The following CFAP74 variants were observed in gnomAD, a reference collection of about 807,000 sequenced individuals.
CFAP74 encodes cilia and flagella associated protein 74.
A neutral mutation model predicts 188.9 loss-of-function variants in CFAP74; 124 were observed. The ratio of observed to expected loss-of-function variants is 0.66; its 90% CI spans 0.57 to 0.76. CFAP74 has a LOEUF of 0.76. CFAP74 is among the 30% of genes least tolerant of loss of function. The pLI, the probability that CFAP74 is intolerant of heterozygous loss-of-function variation, is 0.00. For synonymous variants in CFAP74, 956 were observed against 916.7 expected, an observed-to-expected ratio of 1.04 and a Z score of -0.77; for missense variants, 2,198 against 2,165.2, an observed-to-expected ratio of 1.02 and a Z score of -0.30.
At chr1:1,961,014 C>G (rs1655053172) in intron 14 of CFAP74, among the ~76,000 whole-genome samples, 1 of 152,164 alleles carries the variant, frequency 6.6e-6, no homozygotes, top group South Asian at 2.1e-4. Flanking sequence ...CAAAACAGAA[C>G]TTGGCATTTT....
chr1:1,940,282 G>A (rs779819432), intron 23 of CFAP74, 34 bp downstream of exon 23: 16 of 1,490,550 alleles, frequency 1.1e-5, no homozygotes, highest in Admixed American at 3.9e-5. Flanking sequence ...ACCCAGGAGC[G>A]CCCAGCATCC....
Position 1,925,676 on chromosome 1 carries a change from C to T in CFAP74, c.4104+107G>A, listed in dbSNP as rs780031596. ...GTAGAGGGGGCCACCTGTGTCCCCA[C>T]GGGCTCTCCGACCCACGGGTCACTT... On this transcript the variant is annotated intron_variant, in intron 33 of 38. Transcript: ENST00000682832. 9.6e-5 allele frequency: 122 copies of T among 1,274,418 alleles called. 1 individual carries two copies. The highest frequency in any genetic ancestry group is 3.8e-4 in the South Asian group (26 of 68,324). The allele number at this position is 1,274,418 out of a possible 1,614,324, so 78.9% of individuals were successfully genotyped here.
At chr1:1,971,651 C>A (rs1008731725) in intron 9 of CFAP74, among the ~76,000 whole-genome samples, 16 of 152,254 alleles carry the variant, frequency 1.1e-4, no homozygotes, top group African/African-American at 3.9e-4. Flanking sequence ...CAGCCTGAAT[C>A]CCCAGCCTTG....
intron 6 of CFAP74, among the ~76,000 whole-genome samples, chr1:1,979,306 C>T (rs1382052473): frequency 1.9e-5 from 2 of 103,916 alleles, no homozygotes; most frequent in Admixed American, 1.0e-4. Context: ...ACACGTGTGT[C>T]GTGCTGAGCT....
chr1:1,928,335 G>A (rs1223751888), intron 27 of CFAP74, among the ~76,000 whole-genome samples: 3 of 152,114 alleles, frequency 2.0e-5, no homozygotes, highest in Non-Finnish European at 2.9e-5. Context: ...AAGCCAGGCC[G>A]GGAAGGGCAA....
chr1:2,001,405 C>T (rs1658200773), intron 1 of CFAP74, among the ~76,000 whole-genome samples: 1 of 151,930 alleles, frequency 6.6e-6, no homozygotes, highest in African/African-American at 2.4e-5. Flanking sequence ...GGTCGGCTCA[C>T]TGCAAACTCC....
intron 2 of CFAP74, 67 bp downstream of exon 2, chr1:1,990,823 C>A: frequency 7.9e-7 from 1 of 1,272,188 alleles, no homozygotes; most frequent in South Asian, 1.3e-5. Context: ...TAAAGGGCTA[C>A]TATGAAGCAT....
chr1:1,955,282 G>T, intron 18 of CFAP74: 1 of 1,295,204 alleles, frequency 7.7e-7, no homozygotes, highest in Non-Finnish European at 1.0e-6. Flanking sequence ...GGCATGGGGA[G>T]GGCAGGGCCC....
chr1:1,989,009 AGCAGATC>A, intron 2 of CFAP74, 36 bp from the exon 3 acceptor site: 13 of 1,032,706 alleles, frequency 1.3e-5, no homozygotes, highest in Non-Finnish European at 1.7e-5. Context: ...AAAAAAAAAA[AGCAGATC>A]AAACATTTGC....
intron 6 of CFAP74, among the ~76,000 whole-genome samples, chr1:1,981,073 A>C (rs1354855738): frequency 2.0e-5 from 3 of 152,206 alleles, no homozygotes; most frequent in Non-Finnish European, 2.9e-5. Context: ...CCGACGCTGG[A>C]AGCGGGGACC....
rs956085415 is a variant in CFAP74 at position 1,968,382 on chromosome 1, C to G, written c.1245+253G>C. ...GGTGACGCAGGGTCTGGTGGGCACA[C>G]CGAGACCAGGAGGACACTGGACCCT... On this transcript the variant is annotated intron_variant, in intron 11 of 38. Transcript: ENST00000682832. This position sits in a 1 kb window ranked among gnomAD's most constrained non-coding sequence, Gnocchi z 4.3. 6.6e-6 allele frequency among the ~76,000 whole-genome samples: 1 copy of G among 152,094 alleles called. No individual in the cohort carries two copies. The highest frequency in any genetic ancestry group is 1.5e-5 in the Non-Finnish European group (1 of 67,992).
At chr1:1,938,195 AGTC>A (rs1353623006) in intron 25 of CFAP74, among the ~76,000 whole-genome samples, 7 of 148,586 alleles carry the variant, frequency 4.7e-5, no homozygotes, top group African/African-American at 1.8e-4. Context: ...ACTCACATTC[AGTC>A]ACATGCTCAC....
At chr1:1,930,890 T>A (rs28632164) in intron 25 of CFAP74, among the ~76,000 whole-genome samples, 1,970 of 152,306 alleles carry the variant, frequency 0.013, 41 homozygotes, top group African/African-American at 0.043. Flanking sequence ...CCTGCCACCA[T>A]CTATTAAAAA....
At chr1:1,962,345 AGG>A (rs1655147465) in intron 14 of CFAP74, among the ~76,000 whole-genome samples, 1 of 151,962 alleles carries the variant, frequency 6.6e-6, no homozygotes, top group Non-Finnish European at 1.5e-5. Flanking sequence ...ACGTGGTGGC[AGG>A]CGCCTGTTAT....
rs771972359 is a variant in CFAP74, at chr1:1,955,741, C to T, written c.2126G>A (p.Arg709Gln). 16 of 1,614,198 alleles carry T rather than the reference C, an allele frequency of 9.9e-6. No individual in the cohort carries two copies. Among genetic ancestry groups the T allele is most frequent in the South Asian group, 3.3e-5 (3 of 91,088 alleles). Residue 709 changes from arginine to glutamine, a missense_variant, in exon 18 of 39, where the codon CGG becomes CAG. By Grantham distance (43) the Arg-to-Gln change is conservative. Transcript: ENST00000682832. ...TESSQADMQS[R>Q]KELEKLDKEQ... ...CTTGTCCAGCTTCTCCAGCTCCTTC[C>T]GGCTCTGCATGTCCGCCTGGGAGGA...
chr1:1,948,078 G>A lies in CFAP74; in HGVS notation c.2177-1024C>T, dbSNP rs1418898681. ...AGTAGAGACGGGGTTTCACCATATC[G>A]GCCAGACTGGTCTCGAACTCCTGAC... is the stretch of plus-strand genomic sequence containing the variant. On this transcript the variant is annotated intron_variant, in intron 18 of 38. Transcript: ENST00000682832. 4.6e-5 allele frequency among the ~76,000 whole-genome samples: 7 copies of A among 151,796 alleles called. No individual in the cohort carries two copies. In the South Asian group the frequency reaches 6.2e-4, roughly 14 times the overall value.
Position 1,972,032 on chromosome 1 carries a change from C to T in CFAP74, c.836G>A (p.Arg279Lys). The T allele has an allele frequency of 6.2e-7, 1 of 1,613,060 alleles. No individual in the cohort carries two copies. The highest frequency in any genetic ancestry group is 8.5e-7 in the Non-Finnish European group (1 of 1,180,012). ...CGCCACCACCGCATCCATGCGTCGC[C>T]TCATGTACTCGTGGCACTCCATCTC... ...KEEMECHEYM[R>K]RRMDAVVALK... is the part of the protein sequence containing the mutation. Residue 279 changes from arginine (R) to lysine (K), a missense_variant, in exon 9 of 39, where the codon AGG (arginine) becomes AAG (lysine). Physicochemically the swap from Arg to Lys is conservative, Grantham distance 26 (BLOSUM62 2). Transcript: ENST00000682832.
At chr1:1,940,076 CATGCAG>C (rs1653260182) in intron 23 of CFAP74, among the ~76,000 whole-genome samples, 9 of 151,900 alleles carry the variant, frequency 5.9e-5, no homozygotes, top group Admixed American at 5.9e-4. Context: ...CATGTGTGCA[CATGCAG>C]GTGCAGGTGC....
chr1:1,993,817 C>A (rs952208775), intron 1 of CFAP74, among the ~76,000 whole-genome samples: 1 of 151,288 alleles, frequency 6.6e-6, no homozygotes, highest in Non-Finnish European at 1.5e-5. Context: ...CCCACCTCTA[C>A]TAAAAATACA....
Sources: allele counts gnomAD v4.1 joint callset (sites outside exome capture counted in the v4.1 genomes callset), GRCh38; gene constraint gnomAD v4.1.1; non-coding constraint Gnocchi (gnomAD v3.1); transcripts MANE v1.5; gene names NCBI Gene and HGNC (gene_info 2026-07-23, HGNC 2026-07-21).